The following SLC12A8 variants were observed in gnomAD, a reference collection of about 807,000 sequenced individuals.
The protein encoded by SLC12A8 is cation-chloride cotransporter 9.
A neutral mutation model predicts 75.6 loss-of-function variants in SLC12A8; 69 were observed. That is an observed-to-expected ratio of 0.91 (90% CI 0.75 to 1.11). The LOEUF (loss-of-function observed/expected upper bound fraction) is 1.11. SLC12A8 is among the 50% of genes most tolerant of loss of function. The probability of loss-of-function intolerance (pLI) is 0.00; values close to 1 mark genes in which losing one functional copy is unlikely to be tolerated. For missense variants in SLC12A8, 877 were observed against 896.7 expected (o/e 0.98, Z 0.28); for synonymous variants, 365 against 372.8 (o/e 0.98, Z 0.24).
chr3:125,130,133 T>C (rs944826114), intron 6 of SLC12A8, among the ~76,000 whole-genome samples: 2 of 152,234 alleles, frequency 1.3e-5, no homozygotes, highest in African/African-American at 4.8e-5. Context: ...TCATTTTACA[T>C]TTGAAAGCTT....
intron 6 of SLC12A8, 62 bp from the exon 7 acceptor site, chr3:125,120,748 G>A (rs1208485218): frequency 7.8e-7 from 1 of 1,285,410 alleles, no homozygotes; most frequent in Admixed American, 1.8e-5. Flanking sequence ...CCTTCCCCAG[G>A]GCTGCCCCTT....
chr3:125,133,480 CT>C (rs982791312), intron 6 of SLC12A8, among the ~76,000 whole-genome samples: 3 of 151,966 alleles, frequency 2.0e-5, no homozygotes, highest in Admixed American at 6.6e-5. Flanking sequence ...TCAAGCAGTC[CT>C]CCTGTCACCC....
At chr3:125,174,152 T>C (rs906189856) in intron 5 of SLC12A8, among the ~76,000 whole-genome samples, 1 of 152,080 alleles carries the variant, frequency 6.6e-6, no homozygotes, top group Non-Finnish European at 1.5e-5. Context: ...AAACACAAGT[T>C]TTTTAAAAGG....
chr3:125,110,137 T>C (rs988878240), intron 9 of SLC12A8, 52 bp downstream of exon 9: 2 of 1,577,966 alleles, frequency 1.3e-6, no homozygotes, highest in African/African-American at 2.7e-5. Context: ...AACAGTGAGG[T>C]TAGCAGCAAA....
intron 6 of SLC12A8, among the ~76,000 whole-genome samples, chr3:125,128,802 A>G (rs1933281961): frequency 6.6e-6 from 1 of 152,108 alleles, no homozygotes; most frequent in Non-Finnish European, 1.5e-5. Context: ...TCTCACTCAC[A>G]AGACACATAA....
Position 125,142,667 on chromosome 3 carries a change from T to A in SLC12A8, c.623-6885A>T, listed in dbSNP as rs149847435. Among the ~76,000 whole-genome samples, 112 of 152,270 alleles carry A rather than the reference T, an allele frequency of 7.4e-4. 1 individual carries two copies. Among genetic ancestry groups the A allele is most frequent in the Non-Finnish European group, 9.7e-4 (66 of 68,024 alleles). On this transcript the variant is annotated intron_variant, in intron 5 of 13. Transcript: ENST00000469902. ...GGAGCTTTGAAACGCAAATTTTGAG[T>A]CAGCGAGACCGGCATGGGCCAGAGA... is the stretch of plus-strand genomic sequence containing the variant.
At chr3:125,121,558 TG>T (rs1933062162) in intron 6 of SLC12A8, among the ~76,000 whole-genome samples, 1 of 152,244 alleles carries the variant, frequency 6.6e-6, no homozygotes, top group Non-Finnish European at 1.5e-5. Flanking sequence ...TCAAACTGCC[TG>T]GGCCTGTGTC....
chr3:125,098,130 C>A (rs774596425), intron 10 of SLC12A8, among the ~76,000 whole-genome samples: 1 of 151,948 alleles, frequency 6.6e-6, no homozygotes, highest in Non-Finnish European at 1.5e-5. Context: ...AAATATTAAA[C>A]CCTCTGTGAA....
At chr3:125,116,065 C>T (rs543034453) in intron 8 of SLC12A8, among the ~76,000 whole-genome samples, 2 of 152,306 alleles carry the variant, frequency 1.3e-5, no homozygotes, top group South Asian at 2.1e-4. Context: ...TGCCTGAGCA[C>T]GGTACCTGCT....
At chr3:125,194,661 T>A (rs1316616383) in intron 2 of SLC12A8, among the ~76,000 whole-genome samples, 7 of 152,214 alleles carry the variant, frequency 4.6e-5, no homozygotes, top group African/African-American at 1.7e-4. Flanking sequence ...TTCTCCTTTC[T>A]GGGAGCTGGA....
chr3:125,199,629 C>T (rs1195130384), intron 2 of SLC12A8, among the ~76,000 whole-genome samples: 1 of 151,588 alleles, frequency 6.6e-6, no homozygotes, highest in Non-Finnish European at 1.5e-5. Flanking sequence ...GCCTGTAGTC[C>T]CAGCTACTTG....
intron 2 of SLC12A8, among the ~76,000 whole-genome samples, chr3:125,205,964 G>T (rs892297515): frequency 1.3e-5 from 2 of 152,068 alleles, no homozygotes; most frequent in African/African-American, 4.8e-5. Context: ...GGGGCTTCAA[G>T]AGATATAAAT....
Position 125,154,587 on chromosome 3 carries a change from G to A in SLC12A8, c.623-18805C>T, listed in dbSNP as rs562769593. Among the ~76,000 whole-genome samples, 3 of 152,188 alleles carry A rather than the reference G, an allele frequency of 2.0e-5. No individual in the cohort carries two copies. In the South Asian group the frequency reaches 6.2e-4, roughly 32 times the overall value. On this transcript the variant is annotated intron_variant, in intron 5 of 13. Coordinates refer to ENST00000469902, the MANE Select transcript of SLC12A8 (RefSeq NM_024628.6). ...AGTATCCCCCCTCCCTTATCCATTA[G>A]GGGTACATCCCATGACCCCCAGGGG...
chr3:125,189,753 G>C (rs1245295349), intron 3 of SLC12A8, among the ~76,000 whole-genome samples: 1 of 152,216 alleles, frequency 6.6e-6, no homozygotes, highest in Non-Finnish European at 1.5e-5. Flanking sequence ...AGATGGCACT[G>C]TGTGTGGGAC....
At position 125,083,824 on chromosome 3, in the gene SLC12A8, A is replaced by C; in HGVS notation, c.*66T>G. ...CTCAGGTTGGAGAAGCAGCTCCACGAAGGTCCTGAGCTTGGGTCCACTGTA... is the reference window on the plus strand; with the variant it reads ...CTCAGGTTGGAGAAGCAGCTCCACGCAGGTCCTGAGCTTGGGTCCACTGTA... On this transcript the variant is annotated 3_prime_UTR_variant, in exon 14 of 14. Coordinates refer to ENST00000469902, the MANE Select transcript of SLC12A8 (RefSeq NM_024628.6). 6.7e-7 allele frequency: 1 copy of C among 1,499,964 alleles called. No individual in the cohort carries two copies. Among genetic ancestry groups the C allele is most frequent in the Admixed American group, 2.0e-5 (1 of 50,990 alleles). 92.9% of individuals were successfully genotyped at this position (1,499,964 alleles called of 1,614,324 possible). A position where few individuals can be genotyped will look rare whatever the true frequency, so the allele number is the denominator to read the frequency against.
At chr3:125,088,179 G>T in intron 13 of SLC12A8, 131 bp downstream of exon 13, 1 of 795,576 alleles carries the variant, frequency 1.3e-6, no homozygotes, top group African/African-American at 1.7e-5. Flanking sequence ...TGAGTCTCCC[G>T]GAGGTGCCCA....
intron 5 of SLC12A8, among the ~76,000 whole-genome samples, chr3:125,137,918 C>T (rs929578461): frequency 1.3e-5 from 2 of 150,254 alleles, no homozygotes; most frequent in African/African-American, 4.9e-5. Flanking sequence ...CTGACACACG[C>T]TCACGCTCAC....
Position 125,160,783 on chromosome 3 carries a change from A to C in SLC12A8, c.622+16960T>G, listed in dbSNP as rs562833484. On this transcript the variant is annotated intron_variant, in intron 5 of 13. Transcript: ENST00000469902. ...TCTTTGCAAGAGAATCGATACACAG[A>C]TGTGAGTGAGGACTCATCATAAACA... is the stretch of plus-strand genomic sequence containing the variant. 1.4e-4 allele frequency among the ~76,000 whole-genome samples: 22 copies of C among 152,284 alleles called. No individual in the cohort carries two copies. In the South Asian group the frequency reaches 4.6e-3, roughly 32 times the overall value.
Position 125,187,242 on chromosome 3 carries a change from C to A in SLC12A8, c.385G>T (p.Gly129Ter). Residue 129 changes from glycine (G) to a stop codon, truncating the protein, a stop_gained, in exon 4 of 14, where the codon GGA (glycine) becomes TGA (stop). Transcript: ENST00000469902. LOFTEE classifies it high-confidence loss of function. ...GGTIGLLYVF[G>*]QCVAGAMYIT... is the part of the protein sequence containing the mutation. The stretch of plus-strand genomic sequence containing the variant: ...ATCCCGGGCGCAGGCCTCACCTGTC[C>A]AAACACATAGAGCAGCCCGATGGTG... 1 of 1,614,012 alleles carries A rather than the reference C, an allele frequency of 6.2e-7. No individual in the cohort carries two copies. The highest frequency in any genetic ancestry group is 8.5e-7 in the Non-Finnish European group (1 of 1,179,906).
Sources: allele counts gnomAD v4.1 joint callset (sites outside exome capture counted in the v4.1 genomes callset), GRCh38; gene constraint gnomAD v4.1.1; transcripts MANE v1.5; gene names NCBI Gene and HGNC (gene_info 2026-07-23, HGNC 2026-07-21).